CCDC14: variants seen among roughly 807,000 people sequenced by gnomAD.
CCDC14 encodes coiled-coil domain containing 14, also known as coiled-coil domain-containing protein 14.
In CCDC14, 71 loss-of-function variants were observed where a neutral mutation model predicts 81.4. That is an observed-to-expected ratio of 0.87 (90% CI 0.72 to 1.06). CCDC14 has a LOEUF of 1.06. CCDC14 is among the 50% of genes least tolerant of loss of function. CCDC14 has a pLI of 0.00. For missense variants in CCDC14, 1,046 were observed against 1,047.3 expected (o/e 1.00, Z 0.02); for synonymous variants, 332 against 364.8 (o/e 0.91, Z 1.03).
chr3:123,931,319 CTTG>C lies in CCDC14; in HGVS notation c.1631_1633del (p.Thr544del), dbSNP rs760650357. 679 of 1,530,292 alleles carry C rather than the reference CTTG, an allele frequency of 4.4e-4. No homozygotes were observed. The highest frequency in any genetic ancestry group is 6.8e-4 in the Middle Eastern group (4 of 5,886). 94.8% of individuals were successfully genotyped at this position (1,530,292 alleles called of 1,614,324 possible). A position where few individuals can be genotyped will look rare whatever the true frequency, so the allele number is the denominator to read the frequency against. ...GTCTAAATACGTACCAATTTTTATTCTTGTTATCTCAATATCATATTGCTGTTT... is the reference window on the plus strand; with the variant it reads ...GTCTAAATACGTACCAATTTTTATTCTTATCTCAATATCATATTGCTGTTT... On this transcript the variant is annotated inframe_deletion, in exon 11 of 13. Coordinates refer to ENST00000409697, the MANE Select transcript of CCDC14 (RefSeq NM_001366335.1).
chr3:123,925,728 G>A (rs560349894), intron 12 of CCDC14, among the ~76,000 whole-genome samples: 26 of 152,226 alleles, frequency 1.7e-4, no homozygotes, highest in African/African-American at 6.0e-4. Context: ...AAGCCACCAC[G>A]TCCAGCCTAG....
intron 12 of CCDC14, among the ~76,000 whole-genome samples, chr3:123,927,611 A>T (rs1452183950): frequency 6.6e-6 from 1 of 152,180 alleles, no homozygotes; most frequent in East Asian, 1.9e-4. Context: ...ATGAGGCAGG[A>T]TTTATGCCCA....
intron 1 of CCDC14, chr3:123,958,818 C>T (rs1433612194): frequency 2.6e-5 from 4 of 152,086 alleles, no homozygotes; most frequent in African/African-American, 4.8e-5. Context: ...CTCTGGTTCA[C>T]GCCCAATCCA....
At chr3:123,943,229 CA>C (rs901399715) in intron 9 of CCDC14, among the ~76,000 whole-genome samples, 1 of 151,838 alleles carries the variant, frequency 6.6e-6, no homozygotes, top group Non-Finnish European at 1.5e-5. Flanking sequence ...CAGTCAAAAC[CA>C]AAAACATACC....
At chr3:123,911,074 C>A (rs771824172), downstream of CCDC14, among the ~76,000 whole-genome samples, 8 of 152,148 alleles carry the variant, frequency 5.3e-5, no homozygotes, top group Non-Finnish European at 8.8e-5. Flanking sequence ...AAAAGGAATA[C>A]CCCTGGTGTG....
Position 123,956,122 on chromosome 3 carries a change from G to C in CCDC14, c.160-7C>G. On this transcript the variant is annotated splice_region_variant and splice_polypyrimidine_tract_variant and intron_variant, in intron 3 of 12. Coordinates refer to ENST00000409697, the MANE Select transcript of CCDC14 (RefSeq NM_001366335.1). The stretch of plus-strand genomic sequence containing the variant: ...GCCCGTGTACAGTTTCAGCCTGTAA[G>C]AAATAAAGTCATTTAGAATACATTT... The C allele has an allele frequency of 6.5e-7, 1 of 1,538,604 alleles. No individual in the cohort carries two copies. Among genetic ancestry groups the C allele is most frequent in the Non-Finnish European group, 8.8e-7 (1 of 1,142,666 alleles).
At chr3:123,908,793 A>G (rs1296658588), downstream of CCDC14, among the ~76,000 whole-genome samples, 1 of 151,996 alleles carries the variant, frequency 6.6e-6, no homozygotes, top group Admixed American at 6.5e-5. Context: ...CAATGATCAC[A>G]AGCTTTGTGT....
At chr3:123,888,209 AT>A in the CCDC14 span, among the ~76,000 whole-genome samples, 2 of 152,048 alleles carry the variant, frequency 1.3e-5, no homozygotes, top group Admixed American at 6.5e-5. Context: ...TATAGCTTTA[AT>A]TTTTTTGAGA....
intron 5 of CCDC14, chr3:123,952,551 C>T (rs1220731999): frequency 2.0e-6 from 1 of 512,520 alleles, no homozygotes; most frequent in East Asian, 5.6e-5. Flanking sequence ...TCTGGAAGGG[C>T]TTCTCTGCCT....
At chr3:123,920,664 T>C (rs572890246) in intron 12 of CCDC14, among the ~76,000 whole-genome samples, 1 of 152,202 alleles carries the variant, frequency 6.6e-6, no homozygotes, top group Non-Finnish European at 1.5e-5. Flanking sequence ...TCATCCTCAG[T>C]AGGCCTATCT....
In CCDC14 at chr3:123,949,142, A is replaced by C. The variant is rs552158286; in HGVS notation, c.353-10T>G. The stretch of plus-strand genomic sequence containing the variant: ...TTATTATCTGAAGATGCTAATGTGG[A>C]AGAAGAAAAAAGTTCTTGAAATATG... On this transcript the variant is annotated splice_polypyrimidine_tract_variant and intron_variant, in intron 5 of 12. Coordinates refer to ENST00000409697, the MANE Select transcript of CCDC14 (RefSeq NM_001366335.1). 6.7e-7 allele frequency: 1 copy of C among 1,497,714 alleles called. No homozygotes were observed. The allele number at this position is 1,497,714 out of a possible 1,614,324, so 92.8% of individuals were successfully genotyped here.
chr3:123,960,246 T>C (rs2037598380), intron 1 of CCDC14, among the ~76,000 whole-genome samples: 1 of 152,250 alleles, frequency 6.6e-6, no homozygotes, highest in Non-Finnish European at 1.5e-5. Context: ...TACAAGATAA[T>C]ACTGCCTTTG....
chr3:123,934,224 A>G (rs1346040146), intron 9 of CCDC14, among the ~76,000 whole-genome samples: 4 of 131,116 alleles, frequency 3.1e-5, no homozygotes, highest in Admixed American at 8.8e-5. Flanking sequence ...AGTGAGTGAG[A>G]TCGCACCACT....
Position 123,955,866 on chromosome 3 carries a change from G to C in CCDC14, c.329C>G (p.Pro110Arg). Residue 110 changes from proline to arginine, a missense_variant, in exon 5 of 13, where the codon CCT (proline) becomes CGT (arginine). Transcript: ENST00000409697. ...KKKRHEKHTI[P>R]LVVQKETSSS... ...ACATGTTTCTTTCTGGACTACCAAA[G>C]GAATAGTATGTTTTTCATGTCTTTT... The C allele has an allele frequency of 7.8e-6, 12 of 1,530,442 alleles. No individual in the cohort carries two copies. The highest frequency in any genetic ancestry group is 9.7e-6 in the Non-Finnish European group (11 of 1,136,868). The allele number at this position is 1,530,442 out of a possible 1,614,324, so 94.8% of individuals were successfully genotyped here. A position where few individuals can be genotyped will look rare whatever the true frequency, so the allele number is the denominator to read the frequency against.
At position 123,948,675 on chromosome 3, in the gene CCDC14, T is replaced by C. The variant is rs1209166746; in HGVS notation, c.684+16A>G. On this transcript the variant is annotated intron_variant, in intron 7 of 12. Coordinates refer to ENST00000409697, the MANE Select transcript of CCDC14 (RefSeq NM_001366335.1). ...TAAGCAAATAGTTACTTATGTAGTA[T>C]AAGAACTGTACGCACAGAATGAACC... is the stretch of plus-strand genomic sequence containing the variant. 6.4e-7 allele frequency: 1 copy of C among 1,570,488 alleles called. No homozygotes were observed. Among genetic ancestry groups the C allele is most frequent in the Middle Eastern group, 1.7e-4 (1 of 5,968 alleles).
In CCDC14 at chr3:123,931,237, A is replaced by G; in HGVS notation, c.1646-3T>C. The G allele has an allele frequency of 1.9e-6, 3 of 1,597,806 alleles. No individual in the cohort carries two copies. The highest frequency in any genetic ancestry group is 4.5e-5 in the East Asian group (2 of 44,782). On this transcript the variant is annotated splice_polypyrimidine_tract_variant and splice_region_variant and intron_variant, in intron 11 of 12. Transcript: ENST00000409697. ...ATTGACTAGGGCTTCCTCCAATTCT[A>G]AAACAACAAAAGTTTCAGTTTCCTT...
At chr3:123,937,053 C>A (rs995388804) in intron 9 of CCDC14, among the ~76,000 whole-genome samples, 4 of 152,006 alleles carry the variant, frequency 2.6e-5, no homozygotes, top group Non-Finnish European at 4.4e-5. Context: ...ATAGTTCTTA[C>A]CCTTTTATTG....
downstream of CCDC14, among the ~76,000 whole-genome samples, chr3:123,911,198 C>G (rs2034436797): frequency 6.6e-6 from 1 of 152,030 alleles, no homozygotes; most frequent in South Asian, 2.1e-4. Context: ...ACTTTTAAAC[C>G]CTTCAGAAGT....
rs748106829 is a variant in CCDC14 at position 123,947,167 on chromosome 3, C to G, written c.837G>C (p.Gln279His). 3.1e-6 allele frequency: 5 copies of G among 1,613,804 alleles called. No individual in the cohort carries two copies. The African/African-American group carries it at 5.3e-5, about 17-fold the overall frequency. Residue 279 changes from glutamine (Q) to histidine (H), a missense_variant, in exon 8 of 13, where the codon CAG becomes CAC. Coordinates refer to ENST00000409697, the MANE Select transcript of CCDC14 (RefSeq NM_001366335.1). ...GAATTCCATTAACAAGGCCCAGTTGCTGCAATGTTGGAATAGCTGATATGT... is the reference window on the plus strand; with the variant it reads ...GAATTCCATTAACAAGGCCCAGTTGGTGCAATGTTGGAATAGCTGATATGT... ...KTDISAIPTL[Q>H]QLGLVNGILP...
Sources: gnomAD v4.1 joint callset for allele counts (sites outside exome capture counted in the v4.1 genomes callset) on GRCh38, gnomAD v4.1.1 for gene constraint, MANE v1.5 for transcripts, NCBI Gene and HGNC (gene_info 2026-07-23, HGNC 2026-07-21) for gene names.